The following PDE6A variants were observed in gnomAD, a reference collection of about 807,000 sequenced individuals.
The protein encoded by PDE6A is rod cGMP-specific 3',5'-cyclic phosphodiesterase subunit alpha.
Under a neutral mutation model 106.3 loss-of-function variants are expected in PDE6A, and 84 were observed. The observed-to-expected ratio is 0.79, with a 90% CI of 0.66 to 0.95. The LOEUF is 0.95. PDE6A is among the 40% of genes least tolerant of loss of function. The probability of loss-of-function intolerance (pLI) is 0.00; values close to 1 mark genes in which losing one functional copy is unlikely to be tolerated. For synonymous variants in PDE6A, 394 were observed against 386.6 expected, an observed-to-expected ratio of 1.02 and a Z score of -0.23; for missense variants, 1,052 against 1,084.9, an observed-to-expected ratio of 0.97 and a Z score of 0.43.
At position 149,883,493 on chromosome 5, in the gene PDE6A, A is replaced by G. The variant is rs1761008290; in HGVS notation, c.2071T>C (p.Tyr691His). The stretch of plus-strand genomic sequence containing the variant: ...TGTGTCCACTCCTGTTCACTCTCAT[A>G]TGTCTTAGACTGATCCACGATCTTT... ...FQKIVDQSKT[Y>H]ESEQEWTQYM... Residue 691 changes from tyrosine to histidine, a missense_variant, in exon 17 of 22, where the codon TAT becomes CAT. By Grantham distance (83) the Tyr-to-His change is moderately conservative (BLOSUM62 2). Transcript: ENST00000255266. 3 of 1,613,702 alleles carry G rather than the reference A, an allele frequency of 1.9e-6. No homozygotes were observed. The highest frequency in any genetic ancestry group is 1.3e-5 in the African/African-American group (1 of 74,910).
rs1335060985 is a variant in PDE6A, at chr5:149,903,698, G to A, written c.1066-3C>T. 6.8e-6 allele frequency: 11 copies of A among 1,613,170 alleles called. No individual in the cohort carries two copies. Among genetic ancestry groups the A allele is most frequent in the Non-Finnish European group, 9.3e-6 (11 of 1,179,144 alleles). The stretch of plus-strand genomic sequence containing the variant: ...GGCGCATTCATGATGTTGCAAATCT[G>A]AGAGCAGTGAAGGGGAATAATGAAG... On this transcript the variant is annotated splice_polypyrimidine_tract_variant and splice_region_variant and intron_variant, in intron 7 of 21. Transcript: ENST00000255266.
Position 149,877,406 on chromosome 5 carries a change from T to A in PDE6A, c.2135+6023A>T, listed in dbSNP as rs1760780932. ...CAGCCTGGGCAACATAGTAAGACCT[T>A]TATTTGTCTCTACAAAAAATTTAAA... On this transcript the variant is annotated intron_variant, in intron 17 of 21. Coordinates refer to ENST00000255266, the MANE Select transcript of PDE6A (RefSeq NM_000440.3). Among the ~76,000 whole-genome samples, 4 of 152,126 alleles carry A rather than the reference T, an allele frequency of 2.6e-5. No homozygotes were observed. In the South Asian group the frequency reaches 8.3e-4, roughly 32 times the overall value.
intron 13 of PDE6A, among the ~76,000 whole-genome samples, chr5:149,890,412 G>A (rs1752503406): frequency 6.6e-6 from 1 of 152,114 alleles, no homozygotes; most frequent in Non-Finnish European, 1.5e-5. Flanking sequence ...AATTATATGG[G>A]AAGCATTGTC....
At chr5:149,877,811 C>T (rs1294796328) in intron 17 of PDE6A, among the ~76,000 whole-genome samples, 1 of 152,226 alleles carries the variant, frequency 6.6e-6, no homozygotes, top group Non-Finnish European at 1.5e-5. Context: ...TCCATTTACA[C>T]ATGAATTTTT....
chr5:149,932,163 T>A, intron 3 of PDE6A: 1 of 1,221,190 alleles, frequency 8.2e-7, no homozygotes, highest in Non-Finnish European at 1.2e-6. Context: ...TGAAGCTGCA[T>A]CTACAACAGT....
At chr5:149,871,607 A>G (rs933887482) in intron 17 of PDE6A, among the ~76,000 whole-genome samples, 2 of 152,110 alleles carry the variant, frequency 1.3e-5, no homozygotes, top group Non-Finnish European at 2.9e-5. Flanking sequence ...GGGGGAGCTC[A>G]GGGAGCAGGT....
intron 6 of PDE6A, among the ~76,000 whole-genome samples, chr5:149,914,057 G>A (rs1753474198): frequency 6.6e-6 from 1 of 152,192 alleles, no homozygotes; most frequent in South Asian, 2.1e-4. Flanking sequence ...TACCAGAAGA[G>A]TAGCACTGCA....
chr5:149,893,870 T>C (rs973589741), intron 13 of PDE6A, among the ~76,000 whole-genome samples: 1 of 152,144 alleles, frequency 6.6e-6, no homozygotes, highest in Non-Finnish European at 1.5e-5. Context: ...CCCAGATAGC[T>C]TGCCCCTGAA....
rs1477640722 is a variant in PDE6A at position 149,858,452 on chromosome 5, G to C, written c.*2443C>G. ...GCATTCCGCTAGGTATTGCATACTTGCCAGAACATACTTAGATTCGGTTTA... is the reference window on the plus strand; with the variant it reads ...GCATTCCGCTAGGTATTGCATACTTCCCAGAACATACTTAGATTCGGTTTA... On this transcript the variant is annotated 3_prime_UTR_variant, in exon 22 of 22. Coordinates refer to ENST00000255266, the MANE Select transcript of PDE6A (RefSeq NM_000440.3). The C allele has an allele frequency of 6.6e-6, 1 of 152,124 alleles. No individual in the cohort carries two copies. Among genetic ancestry groups the C allele is most frequent in the Non-Finnish European group, 1.5e-5 (1 of 68,048 alleles). 9.4% of individuals were successfully genotyped at this position (152,124 alleles called of 1,614,324 possible).
intron 3 of PDE6A, chr5:149,931,936 A>G (rs1754046833): frequency 1.0e-6 from 1 of 1,003,054 alleles, no homozygotes; most frequent in South Asian, 1.4e-5. Flanking sequence ...ATGAAGAGAC[A>G]GAAACAAAGA....
At position 149,944,206 on chromosome 5, in the gene PDE6A, T is replaced by G; in HGVS notation, c.468A>C (p.Thr156=). 6.2e-7 allele frequency: 1 copy of G among 1,612,468 alleles called. No homozygotes were observed. The change falls in exon 1 of 22, where the codon ACA becomes ACC. Residue 156 remains threonine (T), a synonymous_variant. Coordinates refer to ENST00000255266, the MANE Select transcript of PDE6A (RefSeq NM_000440.3). ...CTCATGGGGAAGAGAGTACCTCCTC[T>G]GTGTTGGGGACGTTAGCAATCTTCT... ...HSKKIANVPN[T]EEDEHFCDFV...
intron 6 of PDE6A, among the ~76,000 whole-genome samples, chr5:149,914,174 A>G (rs1404529945): frequency 6.6e-6 from 1 of 152,180 alleles, no homozygotes; most frequent in Non-Finnish European, 1.5e-5. Context: ...TGGGACTCAG[A>G]GCACCTGACT....
At chr5:149,936,643 G>T (rs943317891) in intron 1 of PDE6A, among the ~76,000 whole-genome samples, 1 of 152,098 alleles carries the variant, frequency 6.6e-6, no homozygotes, top group African/African-American at 2.4e-5. Flanking sequence ...CCAATTGACT[G>T]GCATTTACAT....
At chr5:149,909,864 T>C (rs1467549333) in intron 6 of PDE6A, among the ~76,000 whole-genome samples, 1 of 152,218 alleles carries the variant, frequency 6.6e-6, no homozygotes, top group Non-Finnish European at 1.5e-5. Flanking sequence ...TATTTCTTAG[T>C]TCCCAAGCAT....
In PDE6A at chr5:149,879,938, C is replaced by T. The variant is rs535955442; in HGVS notation, c.2135+3491G>A. On this transcript the variant is annotated intron_variant, in intron 17 of 21. Coordinates refer to ENST00000255266, the MANE Select transcript of PDE6A (RefSeq NM_000440.3). ...CTAACTTCATGGCCATCCCATTGTCCCAAAACCACTGATGAACTTACACCT... is the reference window on the plus strand; with the variant it reads ...CTAACTTCATGGCCATCCCATTGTCTCAAAACCACTGATGAACTTACACCT... 5.9e-5 allele frequency among the ~76,000 whole-genome samples: 9 copies of T among 152,082 alleles called. No individual in the cohort carries two copies. In the South Asian group the frequency reaches 1.2e-3, roughly 21 times the overall value.
At chr5:149,880,936 G>A (rs2113542592) in intron 17 of PDE6A, among the ~76,000 whole-genome samples, 1 of 152,184 alleles carries the variant, frequency 6.6e-6, no homozygotes, top group Admixed American at 6.5e-5. Context: ...GGTGGCGGGT[G>A]CCTGTAGTCC....
At chr5:149,920,942 A>AAAAAAAGAAAGAAAGAAAG (rs1554091213) in intron 5 of PDE6A, among the ~76,000 whole-genome samples, 1 of 108,350 alleles carries the variant, frequency 9.2e-6, no homozygotes, top group Non-Finnish European at 1.8e-5. Context: ...GAAAGAGAGA[A>AAAAAAAGAAAGAAAGAAAG]AAAGAAAGAA....
intron 4 of PDE6A, among the ~76,000 whole-genome samples, chr5:149,925,739 T>C (rs1753848128): frequency 7.0e-6 from 1 of 143,048 alleles, no homozygotes; most frequent in Non-Finnish European, 1.5e-5. Flanking sequence ...TAGTAATTAA[T>C]AGAAGATGGA....
At chr5:149,868,446 A>G (rs1363784017) in intron 17 of PDE6A, among the ~76,000 whole-genome samples, 1 of 152,238 alleles carries the variant, frequency 6.6e-6, no homozygotes, top group Non-Finnish European at 1.5e-5. Context: ...CAAAACAGGT[A>G]TAAGATTAAA....
Sources: allele counts gnomAD v4.1 joint callset (sites outside exome capture counted in the v4.1 genomes callset), GRCh38; gene constraint gnomAD v4.1.1; transcripts MANE v1.5; gene names NCBI Gene and HGNC (gene_info 2026-07-23, HGNC 2026-07-21).